Variants in PRPF18 observed in about 807,000 individuals in gnomAD.
PRPF18 encodes pre-mRNA processing factor 18.
PRPF18 carries 38 observed loss-of-function variants against 46.5 expected under a neutral mutation model. The ratio of observed to expected loss-of-function variants is 0.82; its 90% CI spans 0.63 to 1.07. PRPF18 has a LOEUF of 1.07. Ranked by LOEUF, PRPF18 falls within the 50% of genes least tolerant of loss-of-function variation. PRPF18 has a pLI of 0.00. For synonymous variants in PRPF18, 152 were observed against 146.7 expected (o/e 1.04, Z -0.26); for missense variants, 263 against 410.0 (o/e 0.64, Z 3.10).
At chr10:13,587,266 G>A in intron 1 of PRPF18, 114 bp downstream of exon 1, 1 of 1,159,502 alleles carries the variant, frequency 8.6e-7, no homozygotes, top group Non-Finnish European at 1.3e-6. Flanking sequence ...GGGGCTTAGC[G>A]AGTGTCCTGC....
intron 9 of PRPF18, among the ~76,000 whole-genome samples, chr10:13,620,366 G>T (rs1287048357): frequency 6.6e-6 from 1 of 152,194 alleles, no homozygotes; most frequent in Non-Finnish European, 1.5e-5. Flanking sequence ...TAAGATGTTG[G>T]CCGAGGAGGT....
chr10:13,636,111 G>A, the PRPF18 span, among the ~76,000 whole-genome samples: 1 of 152,166 alleles, frequency 6.6e-6, no homozygotes, highest in Non-Finnish European at 1.5e-5. Flanking sequence ...AAAATAAATG[G>A]GAGGTCAGTT....
chr10:13,648,077 C>G, the PRPF18 span: 1 of 152,192 alleles, frequency 6.6e-6, no homozygotes, highest in Non-Finnish European at 1.5e-5. Flanking sequence ...ATTTGCTAAC[C>G]TCTCTAGGAA....
chr10:13,626,841 C>T (rs1217604602), intron 9 of PRPF18, among the ~76,000 whole-genome samples: 2 of 150,930 alleles, frequency 1.3e-5, no homozygotes, highest in Non-Finnish European at 2.9e-5. Flanking sequence ...ACACAGAAAA[C>T]CCGGAATTAT....
chr10:13,603,866 G>A (rs1427962662), intron 3 of PRPF18, among the ~76,000 whole-genome samples: 1 of 152,162 alleles, frequency 6.6e-6, no homozygotes, highest in African/African-American at 2.4e-5. Context: ...ATGAAGATGA[G>A]GTGAAGGAAT....
chr10:13,605,602 A>AAT, intron 3 of PRPF18, 29 bp from the exon 4 acceptor site: 2 of 1,520,624 alleles, frequency 1.3e-6, no homozygotes, highest in Non-Finnish European at 8.8e-7. Context: ...AAAAAAAAAA[A>AAT]TTTACTGGGT....
At chr10:13,622,610 T>G (rs1194300743) in intron 9 of PRPF18, among the ~76,000 whole-genome samples, 1 of 152,224 alleles carries the variant, frequency 6.6e-6, no homozygotes, top group Non-Finnish European at 1.5e-5. Flanking sequence ...CTTGTTCTCG[T>G]ATAGAAAACA....
At chr10:13,588,406 CAA>C (rs79679505) in intron 1 of PRPF18, among the ~76,000 whole-genome samples, 10 of 128,258 alleles carry the variant, frequency 7.8e-5, no homozygotes, top group Admixed American at 2.4e-4. Flanking sequence ...GACACCGTCT[CAA>C]AAAAAAAAAA....
At chr10:13,622,672 A>G (rs1391789003) in intron 9 of PRPF18, among the ~76,000 whole-genome samples, 2 of 152,220 alleles carry the variant, frequency 1.3e-5, no homozygotes, top group African/African-American at 2.4e-5. Flanking sequence ...ACCATAAACT[A>G]TGCAGGCAGT....
At position 13,626,566 on chromosome 10, in the gene PRPF18, GC is replaced by G. The variant is rs1422437860; in HGVS notation, c.949-3692del. On this transcript the variant is annotated intron_variant, in intron 9 of 9. Transcript: ENST00000378572. ...TGAGGCGTGTGCGTGCATATGTGGG[GC>G]CAGTGGACAGTGGTGTAAGAGTGAG... Among the ~76,000 whole-genome samples, 3 of 152,172 alleles carry G rather than the reference GC, an allele frequency of 2.0e-5. No individual in the cohort carries two copies. In the East Asian group the frequency reaches 5.8e-4, roughly 29 times the overall value.
the PRPF18 span, chr10:13,653,057 G>C: frequency 6.6e-6 from 1 of 150,776 alleles, no homozygotes; most frequent in Non-Finnish European, 1.5e-5. Context: ...GAAAACATCT[G>C]GGTATTTCCC....
chr10:13,591,896 TG>T (rs745853463), intron 1 of PRPF18: 1 of 1,417,260 alleles, frequency 7.1e-7, no homozygotes, highest in South Asian at 1.1e-5. Context: ...GGGGTAATGC[TG>T]GTTCGCAGTT....
the PRPF18 span, chr10:13,652,843 C>T: frequency 6.6e-6 from 1 of 152,196 alleles, no homozygotes; most frequent in Non-Finnish European, 1.5e-5. Flanking sequence ...TTTTGTGTTA[C>T]AGGTAAGCCC....
At chr10:13,608,951 A>G (rs1312852632) in intron 4 of PRPF18, among the ~76,000 whole-genome samples, 1 of 152,212 alleles carries the variant, frequency 6.6e-6, no homozygotes, top group East Asian at 1.9e-4. Context: ...ACTGGGATGC[A>G]CTGAGAATTC....
chr10:13,642,280 A>T, the PRPF18 span: 1,992 of 152,384 alleles, frequency 0.013, 27 homozygotes, highest in Non-Finnish European at 0.021. Context: ...TGTCTCGTCC[A>T]TGAGAGTAAG....
Position 13,616,571 on chromosome 10 carries a change from C to T in PRPF18, c.948+18C>T, listed in dbSNP as rs1285009048. 6.2e-7 allele frequency: 1 copy of T among 1,612,318 alleles called. No homozygotes were observed. Among genetic ancestry groups the T allele is most frequent in the African/African-American group, 1.3e-5 (1 of 74,806 alleles). On this transcript the variant is annotated intron_variant, in intron 9 of 9. Coordinates refer to ENST00000378572, the MANE Select transcript of PRPF18 (RefSeq NM_003675.4). Reference sequence around the variant, plus strand: ...ATATTCAGGTAAGCAGTTTGGAGAGCCGGGAATTGCCCTGGAAGTGAATAT... The same window carrying T: ...ATATTCAGGTAAGCAGTTTGGAGAGTCGGGAATTGCCCTGGAAGTGAATAT...
rs765559610 is a variant in PRPF18 at position 13,610,161 on chromosome 10, A to G, written c.486A>G (p.Glu162=). Residue 162 remains glutamate (E), a synonymous_variant, in exon 5 of 10, where the codon GAA becomes GAG. Coordinates refer to ENST00000378572, the MANE Select transcript of PRPF18 (RefSeq NM_003675.4). Reference sequence around the variant, plus strand: ...AGAATGATCTGAAAGTTCATGAGGAAAACACCACAATTGAAGAGTTAGAGG... The same window carrying G: ...AGAATGATCTGAAAGTTCATGAGGAGAACACCACAATTGAAGAGTTAGAGG... ...DTQNDLKVHE[E]NTTIEELEAL... The G allele has an allele frequency of 1.9e-6, 3 of 1,613,974 alleles. No individual in the cohort carries two copies. The highest frequency in any genetic ancestry group is 2.5e-6 in the Non-Finnish European group (3 of 1,179,984).
At chr10:13,600,146 T>C (rs2080085571) in intron 2 of PRPF18, 98 bp from the exon 3 acceptor site, 3 of 950,036 alleles carry the variant, frequency 3.2e-6, no homozygotes, top group African/African-American at 3.4e-5. Context: ...ATCTTCAGTG[T>C]TGAAAACATG....
Position 13,613,643 on chromosome 10 carries a change from A to T in PRPF18, c.580-98A>T. ...GCATTTTAATCAAGACATTTACTTT[A>T]AGGATGATTGTATTCTGTTTTTGTG... On this transcript the variant is annotated intron_variant, in intron 6 of 9. Coordinates refer to ENST00000378572, the MANE Select transcript of PRPF18 (RefSeq NM_003675.4). The T allele has an allele frequency of 7.9e-7, 1 of 1,261,154 alleles. No individual in the cohort carries two copies. The highest frequency in any genetic ancestry group is 1.1e-6 in the Non-Finnish European group (1 of 906,866). 78.1% of individuals were successfully genotyped at this position (1,261,154 alleles called of 1,614,324 possible).
Sources: gnomAD v4.1 joint callset for allele counts (sites outside exome capture counted in the v4.1 genomes callset) on GRCh38, gnomAD v4.1.1 for gene constraint, MANE v1.5 for transcripts, NCBI Gene and HGNC (gene_info 2026-07-23, HGNC 2026-07-21) for gene names.